MCTP2: variants seen among roughly 807,000 people sequenced by gnomAD.
MCTP2 encodes multiple C2 and transmembrane domain-containing protein 2.
A neutral mutation model predicts 111.6 loss-of-function variants in MCTP2; 132 were observed. The observed-to-expected ratio is 1.18, with a 90% CI of 1.03 to 1.37. The LOEUF (loss-of-function observed/expected upper bound fraction) is 1.37, where lower values mean the gene tolerates loss of function less well. Ranked by LOEUF, MCTP2 falls within the 40% of genes most tolerant of loss-of-function variation. MCTP2 has a pLI of 0.00. For missense variants in MCTP2, 1,183 were observed against 1,067.9 expected (o/e 1.11, Z -1.50); for synonymous variants, 395 against 387.7 (o/e 1.02, Z -0.22).
intron 17 of MCTP2, among the ~76,000 whole-genome samples, chr15:94,415,434 A>C (rs1303301461): frequency 6.6e-6 from 1 of 152,126 alleles, no homozygotes; most frequent in Non-Finnish European, 1.5e-5. Context: ...TCTGGTGTTT[A>C]CATAGTGAAA....
chr15:94,371,589 A>G (rs2079489133), intron 12 of MCTP2, among the ~76,000 whole-genome samples: 1 of 152,190 alleles, frequency 6.6e-6, no homozygotes, highest in African/African-American at 2.4e-5. Context: ...TTCTTTCTGT[A>G]AGTTGCATAT....
chr15:94,412,976 T>C (rs923891597), intron 17 of MCTP2, among the ~76,000 whole-genome samples: 1 of 152,236 alleles, frequency 6.6e-6, no homozygotes, highest in Non-Finnish European at 1.5e-5. Flanking sequence ...TTGCATTTCA[T>C]TGGCGATTTT....
chr15:94,330,799 A>G (rs565447742), intron 4 of MCTP2, among the ~76,000 whole-genome samples: 25 of 152,042 alleles, frequency 1.6e-4, no homozygotes, highest in African/African-American at 4.8e-4. Flanking sequence ...CAGTGGTACA[A>G]TCTTGGCTCA....
intron 19 of MCTP2, among the ~76,000 whole-genome samples, chr15:94,452,328 T>A (rs1007340570): frequency 2.0e-5 from 3 of 152,176 alleles, no homozygotes; most frequent in African/African-American, 7.2e-5. Flanking sequence ...GCTATTAGGA[T>A]GATTAAAATG....
chr15:94,477,770 T>G (rs1306126296), intron 22 of MCTP2, among the ~76,000 whole-genome samples: 2 of 152,220 alleles, frequency 1.3e-5, no homozygotes, highest in African/African-American at 4.8e-5. Flanking sequence ...ATGGACTCTG[T>G]GATGCTATCT....
intron 14 of MCTP2, among the ~76,000 whole-genome samples, chr15:94,387,232 G>A (rs1012167484): frequency 1.4e-4 from 21 of 150,902 alleles, no homozygotes; most frequent in Admixed American, 1.1e-3. Flanking sequence ...CTCAGTCTTG[G>A]CACTATTGAT....
In MCTP2 at chr15:94,425,598, CAAAAAT is replaced by C. The variant is rs549481195; in HGVS notation, c.2086-14573_2086-14568del. Among the ~76,000 whole-genome samples the C allele has an allele frequency of 1.1e-4, 16 of 151,648 alleles. No individual in the cohort carries two copies. In the South Asian group the frequency reaches 2.9e-3, roughly 28 times the overall value. ...TCATGAGTAAAATCAAAAGAAAAAACAAAAATAAAAGTTATCTTTTTGAAACACTTA... is the reference window on the plus strand; with the variant it reads ...TCATGAGTAAAATCAAAAGAAAAAACAAAAGTTATCTTTTTGAAACACTTA... On this transcript the variant is annotated intron_variant, in intron 17 of 22. Coordinates refer to ENST00000357742, the MANE Select transcript of MCTP2 (RefSeq NM_001385001.1).
Position 94,425,318 on chromosome 15 carries a change from C to A in MCTP2, c.2086-14858C>A, listed in dbSNP as rs150242949. 3.6e-3 allele frequency among the ~76,000 whole-genome samples: 550 copies of A among 152,208 alleles called. 3 individuals are homozygous for A. Among genetic ancestry groups the A allele is most frequent in the Admixed American group, 7.1e-3 (109 of 15,264 alleles). The stretch of plus-strand genomic sequence containing the variant: ...CTTGTCTATTCCTGTACCAGTATCA[C>A]ACAAATATTTAGGTTTAGCACAGTT... On this transcript the variant is annotated intron_variant, in intron 17 of 22. Coordinates refer to ENST00000357742, the MANE Select transcript of MCTP2 (RefSeq NM_001385001.1).
intron 19 of MCTP2, among the ~76,000 whole-genome samples, chr15:94,445,077 C>T (rs894656136): frequency 6.6e-6 from 1 of 152,094 alleles, no homozygotes; most frequent in African/African-American, 2.4e-5. Flanking sequence ...GAGAGACAGC[C>T]CTTTGGTCTG....
At chr15:94,379,141 C>G (rs116078920) in intron 12 of MCTP2, among the ~76,000 whole-genome samples, 3 of 151,416 alleles carry the variant, frequency 2.0e-5, no homozygotes, top group African/African-American at 4.9e-5. Flanking sequence ...CAACCTATTC[C>G]CCGTGCAAAG....
At chr15:94,350,830 G>C (rs564514166) in intron 8 of MCTP2, among the ~76,000 whole-genome samples, 37 of 152,122 alleles carry the variant, frequency 2.4e-4, no homozygotes, top group Admixed American at 2.1e-3. Context: ...AGGGCAAAAA[G>C]AAAATCTTGT....
chr15:94,328,036 A>G (rs892209111), intron 4 of MCTP2, among the ~76,000 whole-genome samples: 1 of 151,996 alleles, frequency 6.6e-6, no homozygotes, highest in Non-Finnish European at 1.5e-5. Context: ...ACCCAACCAA[A>G]CATCATTGGC....
chr15:94,372,583 T>C (rs983743721), intron 12 of MCTP2, among the ~76,000 whole-genome samples: 1 of 152,280 alleles, frequency 6.6e-6, no homozygotes, highest in African/African-American at 2.4e-5. Flanking sequence ...TCAAAGTATG[T>C]AGTAAAAAAA....
intron 14 of MCTP2, among the ~76,000 whole-genome samples, chr15:94,394,575 C>G (rs1341871680): frequency 6.6e-6 from 1 of 151,962 alleles, no homozygotes; most frequent in African/African-American, 2.4e-5. Flanking sequence ...ACCATCCTGG[C>G]TAACATGGTG....
chr15:94,409,298 A>G (rs888315484), intron 17 of MCTP2, among the ~76,000 whole-genome samples: 6 of 152,046 alleles, frequency 3.9e-5, no homozygotes, highest in Admixed American at 6.6e-5. Context: ...TCTTCAGTTG[A>G]GGAACTCGGA....
intron 20 of MCTP2, among the ~76,000 whole-genome samples, chr15:94,466,421 G>A (rs2073306003): frequency 6.6e-6 from 1 of 152,036 alleles, no homozygotes; most frequent in Admixed American, 6.6e-5. Flanking sequence ...ACCAATCTAG[G>A]TCCTTTCTTA....
At chr15:94,253,044 C>T (rs1015474761) in intron 1 of MCTP2, among the ~76,000 whole-genome samples, 16 of 152,166 alleles carry the variant, frequency 1.1e-4, no homozygotes, top group Non-Finnish European at 1.0e-4. Flanking sequence ...ACCTCTGCTT[C>T]CCTCAGCTGA....
intron 17 of MCTP2, among the ~76,000 whole-genome samples, chr15:94,438,936 AG>A (rs777822031): frequency 2.0e-4 from 31 of 152,288 alleles, no homozygotes; most frequent in Admixed American, 7.2e-4. Context: ...GAAATCAAGC[AG>A]GAAAAAAATT....
chr15:94,331,670 A>G (rs1029731336), intron 4 of MCTP2, among the ~76,000 whole-genome samples: 11 of 152,248 alleles, frequency 7.2e-5, no homozygotes, highest in Non-Finnish European at 1.6e-4. Flanking sequence ...ATTTCGCTGT[A>G]TATTGGTCAT....
Sources: gnomAD v4.1 joint callset for allele counts (sites outside exome capture counted in the v4.1 genomes callset) on GRCh38, gnomAD v4.1.1 for gene constraint, MANE v1.5 for transcripts, NCBI Gene and HGNC (gene_info 2026-07-23, HGNC 2026-07-21) for gene names.